Variants in LRIG1 observed in about 807,000 individuals in gnomAD.
The protein encoded by LRIG1 is leucine-rich repeats and immunoglobulin-like domains protein 1.
Under a neutral mutation model 99.2 loss-of-function variants are expected in LRIG1, and 48 were observed. That is an observed-to-expected ratio of 0.48 (90% CI 0.38 to 0.62). LRIG1 has a LOEUF of 0.62. Among genes scored for constraint, LRIG1 ranks in the 20% least tolerant of loss-of-function variants. LRIG1 has a pLI of 0.00. For synonymous variants in LRIG1, 772 were observed against 596.1 expected (o/e 1.29, Z -4.30); for missense variants, 1,646 against 1,434.4 (o/e 1.15, Z -2.38).
intron 2 of LRIG1, among the ~76,000 whole-genome samples, chr3:66,456,516 T>A (rs994007155): frequency 2.0e-5 from 3 of 148,154 alleles, no homozygotes; most frequent in Non-Finnish European, 4.4e-5. Context: ...GAGGCTGCAG[T>A]CAGCTATGAC....
At position 66,378,825 on chromosome 3, in the gene LRIG1, G is replaced by C. The variant is rs901758970; in HGVS notation, c.*1438C>G. On this transcript the variant is annotated 3_prime_UTR_variant, in exon 19 of 19. Coordinates refer to ENST00000273261, the MANE Select transcript of LRIG1 (RefSeq NM_015541.3). ...CATTTATAAATGAACCTTTATTAAAGACACTTCAATGCCATTTGTTAGACA... is the reference window on the plus strand; with the variant it reads ...CATTTATAAATGAACCTTTATTAAACACACTTCAATGCCATTTGTTAGACA... The C allele has an allele frequency of 1.3e-5, 2 of 152,424 alleles. No individual in the cohort carries two copies. Among genetic ancestry groups the C allele is most frequent in the Admixed American group, 6.6e-5 (1 of 15,262 alleles). 9.4% of individuals were successfully genotyped at this position (152,424 alleles called of 1,614,324 possible). A position where few individuals can be genotyped will look rare whatever the true frequency, so the allele number is the denominator to read the frequency against.
In LRIG1 at chr3:66,403,786, G is replaced by A. The variant is rs1220373579; in HGVS notation, c.1160+1412C>T. Among the ~76,000 whole-genome samples the A allele has an allele frequency of 5.3e-5, 8 of 152,186 alleles. No individual in the cohort carries two copies. In the East Asian group the frequency reaches 1.5e-3, roughly 29 times the overall value. On this transcript the variant is annotated intron_variant, in intron 9 of 18. Coordinates refer to ENST00000273261, the MANE Select transcript of LRIG1 (RefSeq NM_015541.3). ...TCCTCCGGACTGACACGCCCCACGA[G>A]GAACCTGGCAGTGCTGCCCACTCTC...
chr3:66,417,016 T>C, intron 4 of LRIG1, 113 bp downstream of exon 4: 1 of 1,413,028 alleles, frequency 7.1e-7, no homozygotes, highest in Non-Finnish European at 9.8e-7. Flanking sequence ...GGCCCAGCCG[T>C]GGTTGAGAAG....
chr3:66,384,511 C>T (rs1180383097), intron 13 of LRIG1, among the ~76,000 whole-genome samples: 3 of 152,156 alleles, frequency 2.0e-5, no homozygotes, highest in Non-Finnish European at 2.9e-5. Context: ...GCTATAGTCC[C>T]TTCAAAGCAA....
At chr3:66,412,756 AAC>A (rs1702509636) in intron 6 of LRIG1, 113 bp downstream of exon 6, 1 of 1,262,546 alleles carries the variant, frequency 7.9e-7, no homozygotes, top group East Asian at 2.5e-5. Flanking sequence ...GCACACACCC[AAC>A]ACACAGCAAC....
intron 3 of LRIG1, among the ~76,000 whole-genome samples, chr3:66,421,495 C>G (rs1219537316): frequency 6.6e-6 from 1 of 152,194 alleles, no homozygotes; most frequent in Non-Finnish European, 1.5e-5. Flanking sequence ...AGTCATGTCT[C>G]ACATCCAGAT....
chr3:66,472,677 T>C (rs1412449585), intron 1 of LRIG1, among the ~76,000 whole-genome samples: 1 of 152,206 alleles, frequency 6.6e-6, no homozygotes, highest in Non-Finnish European at 1.5e-5. Context: ...CGGATTTCAC[T>C]GGGATAAAGT....
At chr3:66,467,336 A>T (rs1380757194) in intron 1 of LRIG1, among the ~76,000 whole-genome samples, 1 of 151,032 alleles carries the variant, frequency 6.6e-6, no homozygotes, top group Non-Finnish European at 1.5e-5. Context: ...TTAAGAATTC[A>T]GTTCCTTGGC....
chr3:66,462,819 G>A (rs148945107), intron 1 of LRIG1, among the ~76,000 whole-genome samples: 1,719 of 152,188 alleles, frequency 0.011, 47 homozygotes, highest in African/African-American at 0.039. Flanking sequence ...AGGTGTCCTG[G>A]TCCAAATGCT....
chr3:66,414,242 A>C (rs1344208123), intron 5 of LRIG1, among the ~76,000 whole-genome samples: 1 of 152,038 alleles, frequency 6.6e-6, no homozygotes, highest in Non-Finnish European at 1.5e-5. Flanking sequence ...CTAAAAATAC[A>C]AAAAATTAGC....
At chr3:66,414,569 G>C (rs1310664338) in intron 5 of LRIG1, among the ~76,000 whole-genome samples, 1 of 151,932 alleles carries the variant, frequency 6.6e-6, no homozygotes, top group Non-Finnish European at 1.5e-5. Flanking sequence ...CAGATTTTAC[G>C]GGTATCTTAA....
At chr3:66,494,735 CAAA>C (rs530367805) in intron 1 of LRIG1, among the ~76,000 whole-genome samples, 12 of 152,176 alleles carry the variant, frequency 7.9e-5, no homozygotes, top group Admixed American at 2.0e-4. Context: ...CCACCCCCTA[CAAA>C]AAAGAGACAC....
At chr3:66,493,063 T>C (rs1295073072) in intron 1 of LRIG1, among the ~76,000 whole-genome samples, 2 of 151,168 alleles carry the variant, frequency 1.3e-5, no homozygotes, top group Non-Finnish European at 1.5e-5. Context: ...AACTCCACAA[T>C]TGTCTCCTGT....
chr3:66,404,314 G>A (rs1575664296), intron 9 of LRIG1: 23 of 1,288,832 alleles, frequency 1.8e-5, no homozygotes, highest in Non-Finnish European at 2.1e-5. Flanking sequence ...TGAGCTCCCC[G>A]TCACTGGGGA....
intron 1 of LRIG1, among the ~76,000 whole-genome samples, chr3:66,496,748 C>T (rs1217764908): frequency 6.6e-6 from 1 of 151,656 alleles, no homozygotes; most frequent in African/African-American, 2.4e-5. Context: ...AAAAAAAAAA[C>T]ATGAATCTCA....
intron 8 of LRIG1, 36 bp from the exon 9 acceptor site, chr3:66,405,314 CG>C: frequency 6.4e-7 from 1 of 1,555,728 alleles, no homozygotes; most frequent in Non-Finnish European, 8.9e-7. Flanking sequence ...ACCGAGCAGT[CG>C]GGGCGTGAAG....
intron 10 of LRIG1, 29 bp from the exon 11 acceptor site, chr3:66,398,212 A>G (rs1168464311): frequency 1.3e-6 from 2 of 1,580,810 alleles, no homozygotes; most frequent in Non-Finnish European, 1.7e-6. Flanking sequence ...TACTTATGCA[A>G]AGAAACCCTA....
intron 2 of LRIG1, among the ~76,000 whole-genome samples, chr3:66,459,432 C>T (rs368814655): frequency 2.6e-5 from 4 of 152,342 alleles, no homozygotes; most frequent in South Asian, 2.1e-4. Context: ...ACCCCTCCAT[C>T]GTGCATGCCA....
At chr3:66,487,334 A>G (rs1356665331) in intron 1 of LRIG1, among the ~76,000 whole-genome samples, 1 of 151,812 alleles carries the variant, frequency 6.6e-6, no homozygotes, top group African/African-American at 2.4e-5. Context: ...ATGGCCTTTT[A>G]CTCCTGATAT....
Sources: allele counts gnomAD v4.1 joint callset (sites outside exome capture counted in the v4.1 genomes callset), GRCh38; gene constraint gnomAD v4.1.1; transcripts MANE v1.5; gene names NCBI Gene and HGNC (gene_info 2026-07-23, HGNC 2026-07-21).